MRPS9: variants seen among roughly 807,000 people sequenced by gnomAD.
The protein encoded by MRPS9 is mitochondrial ribosomal protein S9.
A neutral mutation model predicts 59.9 loss-of-function variants in MRPS9; 45 were observed. The observed-to-expected ratio is 0.75, with a 90% CI of 0.59 to 0.96. The LOEUF is 0.96. Among genes scored for constraint, MRPS9 ranks in the 40% least tolerant of loss-of-function variants. The pLI is 0.00. For missense variants in MRPS9, 473 were observed against 481.1 expected (o/e 0.98, Z 0.16); for synonymous variants, 171 against 166.8 (o/e 1.03, Z -0.19).
intron 2 of MRPS9, among the ~76,000 whole-genome samples, chr2:105,053,147 A>T (rs894453703): frequency 6.6e-6 from 1 of 152,238 alleles, no homozygotes; most frequent in East Asian, 1.9e-4. Context: ...TTGTAATTTT[A>T]TCTGAAGGTA....
intron 5 of MRPS9, among the ~76,000 whole-genome samples, chr2:105,084,098 A>G (rs1467618063): frequency 6.6e-6 from 1 of 152,146 alleles, no homozygotes; most frequent in Non-Finnish European, 1.5e-5. Context: ...AAAGGAAAGT[A>G]TGCAACTCTA....
Position 105,084,247 on chromosome 2 carries a change from A to AATATATATATATATATATATATATAT in MRPS9, c.489+4207_489+4208insATATATATATATATATATATATATAT, listed in dbSNP as rs58438490. On this transcript the variant is annotated intron_variant, in intron 5 of 10. Transcript: ENST00000258455. ...TGGCCACAGATGAAATATATACCAA[A>AATATATATATATATATATATATATAT]ATATATATATATATATATATATGTA... 4.5e-3 allele frequency among the ~76,000 whole-genome samples: 626 copies of AATATATATATATATATATATATATAT among 139,218 alleles called. 6 individuals carry two copies. The highest frequency in any genetic ancestry group is 0.013 in the East Asian group (54 of 4,110). The allele number at this position is 139,218 out of a possible 152,430, so 91.3% of individuals were successfully genotyped here. A position where few individuals can be genotyped will look rare whatever the true frequency, so the allele number is the denominator to read the frequency against.
intron 10 of MRPS9, 70 bp from the exon 11 acceptor site, chr2:105,099,600 A>G: frequency 2.1e-6 from 3 of 1,457,514 alleles, no homozygotes; most frequent in Non-Finnish European, 2.8e-6. Context: ...CTATAAATTT[A>G]TGAACCTGCT....
intron 1 of MRPS9, among the ~76,000 whole-genome samples, chr2:105,048,758 G>A (rs1679655269): frequency 6.6e-6 from 1 of 151,852 alleles, no homozygotes; most frequent in Admixed American, 6.6e-5. Context: ...GTTTGCTGTC[G>A]TGTTTTCTGC....
chr2:105,053,192 T>C (rs1433746673), intron 2 of MRPS9, among the ~76,000 whole-genome samples: 1 of 152,238 alleles, frequency 6.6e-6, no homozygotes, highest in Non-Finnish European at 1.5e-5. Flanking sequence ...TAAACATGAA[T>C]TTTGTTGTTT....
intron 5 of MRPS9, among the ~76,000 whole-genome samples, chr2:105,082,485 A>G (rs1680366805): frequency 6.6e-6 from 1 of 152,168 alleles, no homozygotes; most frequent in African/African-American, 2.4e-5. Context: ...GGAAGCGTAT[A>G]TATTACGTTA....
At position 105,042,893 on chromosome 2, in the gene MRPS9, T is replaced by G. The variant is rs866973130; in HGVS notation, c.135+4666T>G. Among the ~76,000 whole-genome samples the G allele has an allele frequency of 9.8e-5, 15 of 152,336 alleles. No homozygotes were observed. In the Middle Eastern group the frequency reaches 0.01, roughly 104 times the overall value. ...ATAAAAATAGAATAATATAATGAAC[T>G]CCACAGATCCATCAACCAGCTTCAA... On this transcript the variant is annotated intron_variant, in intron 1 of 10. Coordinates refer to ENST00000258455, the MANE Select transcript of MRPS9 (RefSeq NM_182640.3).
rs569554898 is a variant in MRPS9 at position 105,039,995 on chromosome 2, C to T, written c.135+1768C>T. ...ATTACAAGATAGTATCCACCCTTAG[C>T]ACTCTTAAGGGATGGTCCTGAAATG... On this transcript the variant is annotated intron_variant, in intron 1 of 10. Coordinates refer to ENST00000258455, the MANE Select transcript of MRPS9 (RefSeq NM_182640.3). 3.3e-5 allele frequency among the ~76,000 whole-genome samples: 5 copies of T among 152,326 alleles called. No individual in the cohort carries two copies. The South Asian group carries it at 1.0e-3, about 32-fold the overall frequency.
intron 5 of MRPS9, among the ~76,000 whole-genome samples, chr2:105,083,676 A>G (rs939588839): frequency 2.0e-5 from 3 of 152,192 alleles, no homozygotes; most frequent in African/African-American, 7.2e-5. Flanking sequence ...TGCAGAATAC[A>G]GACTGTGAAA....
intron 7 of MRPS9, among the ~76,000 whole-genome samples, chr2:105,091,795 T>TA (rs377760906): frequency 0.025 from 3,826 of 152,136 alleles, 77 homozygotes; most frequent in South Asian, 0.051. Context: ...CAAGAACTAT[T>TA]AAAAAAAATG....
chr2:105,073,212 A>G (rs1338202421), intron 4 of MRPS9, among the ~76,000 whole-genome samples: 1 of 151,862 alleles, frequency 6.6e-6, no homozygotes, highest in Non-Finnish European at 1.5e-5. Context: ...CTCTTCTTAT[A>G]CATCTGCCCC....
intron 2 of MRPS9, among the ~76,000 whole-genome samples, chr2:105,054,318 C>T (rs968849294): frequency 1.3e-5 from 2 of 152,192 alleles, no homozygotes; most frequent in Non-Finnish European, 2.9e-5. Context: ...TCTTCCATGC[C>T]ACCTGAGAAT....
chr2:105,093,718 A>G (rs1014745683), intron 9 of MRPS9, 80 bp downstream of exon 9: 6 of 626,358 alleles, frequency 9.6e-6, no homozygotes, highest in Non-Finnish European at 1.6e-5. Flanking sequence ...AAGGCTTGTG[A>G]TCTTCTAATT....
intron 1 of MRPS9, among the ~76,000 whole-genome samples, chr2:105,039,636 A>C (rs1679467335): frequency 1.3e-5 from 2 of 152,184 alleles, no homozygotes; most frequent in Non-Finnish European, 2.9e-5. Context: ...GTATATTGTA[A>C]AGTAGAAATC....
intron 1 of MRPS9, among the ~76,000 whole-genome samples, chr2:105,043,656 A>G (rs1679539697): frequency 6.6e-6 from 1 of 151,924 alleles, no homozygotes. Context: ...TTTTGAGACA[A>G]GAGTCTTGCT....
intron 2 of MRPS9, among the ~76,000 whole-genome samples, chr2:105,060,838 G>A (rs1413317874): frequency 1.3e-5 from 2 of 151,772 alleles, no homozygotes; most frequent in Non-Finnish European, 2.9e-5. Context: ...CGTGCCGGGT[G>A]CGGTGGCTCA....
rs1449204971 is a variant in MRPS9 at position 105,079,990 on chromosome 2, G to A, written c.417G>A (p.Gln139=). 1 of 1,610,894 alleles carries A rather than the reference G, an allele frequency of 6.2e-7. No homozygotes were observed. Among genetic ancestry groups the A allele is most frequent in the East Asian group, 2.2e-5 (1 of 44,656 alleles). ...EQIFPRQRAI[Q]WGEDGRPFHY... ...CTGGCTTTTTTAAATCAGCAATCCAGTGGGGAGAAGATGGCCGTCCATTTC... is the reference window on the plus strand; with the variant it reads ...CTGGCTTTTTTAAATCAGCAATCCAATGGGGAGAAGATGGCCGTCCATTTC... The change falls in exon 5 of 11, where the codon CAG becomes CAA. Residue 139 remains glutamine (Q), a synonymous_variant. Transcript: ENST00000258455.
chr2:105,077,132 C>A (rs1159709762), intron 4 of MRPS9, among the ~76,000 whole-genome samples: 1 of 151,934 alleles, frequency 6.6e-6, no homozygotes, highest in Non-Finnish European at 1.5e-5. Context: ...GTAGTCCCAG[C>A]TACTCGGGAG....
intron 2 of MRPS9, among the ~76,000 whole-genome samples, chr2:105,054,581 C>A: frequency 6.6e-6 from 1 of 151,620 alleles, no homozygotes; most frequent in Non-Finnish European, 1.5e-5. Context: ...TATAGCGGAC[C>A]CCTTTTGGTA....
Sources: gnomAD v4.1 joint callset for allele counts (sites outside exome capture counted in the v4.1 genomes callset) on GRCh38, gnomAD v4.1.1 for gene constraint, MANE v1.5 for transcripts, NCBI Gene and HGNC (gene_info 2026-07-23, HGNC 2026-07-21) for gene names.